The following ENKUR variants were observed in gnomAD, a reference collection of about 807,000 sequenced individuals.
The protein encoded by ENKUR is enkurin, TRPC channel interacting protein.
A neutral mutation model predicts 27.6 loss-of-function variants in ENKUR; 19 were observed. The observed-to-expected ratio is 0.69, with a 90% confidence interval of 0.48 to 1.01. The LOEUF (loss-of-function observed/expected upper bound fraction) is 1.01, where lower values mean the gene tolerates loss of function less well. ENKUR is among the 50% of genes least tolerant of loss of function. The pLI is 0.00. For synonymous variants in ENKUR, 117 were observed against 96.9 expected, an observed-to-expected ratio of 1.21 and a Z score of -1.22; for missense variants, 312 against 310.5, an observed-to-expected ratio of 1.00 and a Z score of -0.04.
rs112816834 is a variant in ENKUR at position 25,015,893 on chromosome 10, G to C, written c.44C>G (p.Pro15Arg). 163 of 1,606,928 alleles carry C rather than the reference G, an allele frequency of 1.0e-4. No homozygotes were observed. Among genetic ancestry groups the C allele is most frequent in the Non-Finnish European group, 9.0e-5 (106 of 1,176,500 alleles). ...CTGGGGAGGCTCCTTCAAGTCACTG[G>C]GTATGAGGTTATAAATGCACTCAGA... is the stretch of plus-strand genomic sequence containing the variant. ...CSSECIYNLI[P>R]SDLKEPPQPP... Residue 15 changes from proline to arginine, a missense_variant, in exon 1 of 6, where the codon CCC becomes CGC. Pro to Arg is a moderately radical substitution (Grantham distance 103). Coordinates refer to ENST00000331161, the MANE Select transcript of ENKUR (RefSeq NM_145010.4).
chr10:25,027,360 A>C (rs1413269902), intron 2 of ENKUR, among the ~76,000 whole-genome samples: 1 of 101,400 alleles, frequency 9.9e-6, no homozygotes, highest in African/African-American at 5.9e-5. Flanking sequence ...CCCGTCTCAA[A>C]AAAAAAAAAA....
chr10:25,005,530 C>A (rs1850292583), intron 1 of ENKUR, among the ~76,000 whole-genome samples: 1 of 152,054 alleles, frequency 6.6e-6, no homozygotes, highest in Non-Finnish European at 1.5e-5. Context: ...CAATTTTTCC[C>A]AGTATTACTG....
In ENKUR at chr10:24,999,400, C is replaced by G; in HGVS notation, c.223+1G>C. On this transcript the variant is annotated splice_donor_variant, in intron 2 of 5. Coordinates refer to ENST00000331161, the MANE Select transcript of ENKUR (RefSeq NM_145010.4). LOFTEE classifies it high-confidence loss of function. ...TAAAAATAAAGCATGATAAAACCTA[C>G]TGGGTGGTAGAGTTTTTTCCTTTGA... 1 of 1,600,018 alleles carries G rather than the reference C, an allele frequency of 6.2e-7. No individual in the cohort carries two copies. The highest frequency in any genetic ancestry group is 8.5e-7 in the Non-Finnish European group (1 of 1,176,418).
chr10:25,058,580 G>A lies in ENKUR; in HGVS notation c.37+2532C>T, dbSNP rs990844748. Among the ~76,000 whole-genome samples the A allele has an allele frequency of 5.9e-5, 9 of 152,236 alleles. No individual in the cohort carries two copies. In the South Asian group the frequency reaches 1.0e-3, roughly 18 times the overall value. On this transcript the variant is annotated intron_variant, in intron 2 of 5. Coordinates refer to the ENKUR transcript ENST00000615958. The stretch of plus-strand genomic sequence containing the variant: ...TCCCATACTGATTAGAAATGAGAGC[G>A]CTTATTCATGACACAGAGATAGCCA...
chr10:25,056,823 G>A (rs1033361322), intron 2 of ENKUR, among the ~76,000 whole-genome samples: 4 of 152,202 alleles, frequency 2.6e-5, no homozygotes, highest in Non-Finnish European at 5.9e-5. Flanking sequence ...ATGGCAAAGT[G>A]CTGAAAACTC....
chr10:25,021,251 A>G (rs1479034939), intron 2 of ENKUR, among the ~76,000 whole-genome samples: 6 of 152,354 alleles, frequency 3.9e-5, no homozygotes, highest in South Asian at 2.1e-4. Context: ...TGATTTTATT[A>G]TAGACACTTA....
At chr10:25,016,195 A>T (rs1279380081), upstream of ENKUR, 2 of 1,172,600 alleles carry the variant, frequency 1.7e-6, no homozygotes, top group African/African-American at 3.2e-5. Context: ...GCAACGAGGA[A>T]GTGGCAGGCA....
chr10:25,007,770 AT>A (rs1462499591), intron 1 of ENKUR, among the ~76,000 whole-genome samples: 3 of 152,074 alleles, frequency 2.0e-5, no homozygotes, highest in Admixed American at 6.6e-5. Flanking sequence ...GTAACTCAAA[AT>A]AAACATTAAG....
chr10:25,024,199 A>G (rs142841206), intron 2 of ENKUR: 12 of 1,614,232 alleles, frequency 7.4e-6, no homozygotes, highest in Middle Eastern at 1.6e-4. Context: ...TGCCTGCTCA[A>G]AAATTGCTCC....
intron 2 of ENKUR, among the ~76,000 whole-genome samples, chr10:25,023,001 A>G (rs1008276949): frequency 1.3e-5 from 2 of 152,230 alleles, no homozygotes; most frequent in East Asian, 3.8e-4. Context: ...AATATGCAAT[A>G]TATAAGAATT....
At chr10:25,030,715 T>A (rs1171008908) in intron 2 of ENKUR, among the ~76,000 whole-genome samples, 1 of 152,204 alleles carries the variant, frequency 6.6e-6, no homozygotes, top group Non-Finnish European at 1.5e-5. Context: ...AACTTATTTT[T>A]GAATTTCTTT....
intron 3 of ENKUR, among the ~76,000 whole-genome samples, chr10:24,991,416 C>A (rs932342238): frequency 1.3e-5 from 2 of 151,996 alleles, no homozygotes; most frequent in East Asian, 1.9e-4. Flanking sequence ...CCCCGAGACC[C>A]TAGCAGGCAG....
chr10:25,048,360 C>T (rs80169908), intron 2 of ENKUR, among the ~76,000 whole-genome samples: 1,986 of 151,992 alleles, frequency 0.013, 52 homozygotes, highest in African/African-American at 0.045. Flanking sequence ...GGTCTATATC[C>T]GTGAAGCGTG....
intron 2 of ENKUR, among the ~76,000 whole-genome samples, chr10:25,042,461 A>T (rs968509194): frequency 6.6e-6 from 1 of 151,814 alleles, no homozygotes. Context: ...CACCCGGCTA[A>T]ATTTTGTATT....
At chr10:25,060,114 G>A (rs990456577) in intron 2 of ENKUR, among the ~76,000 whole-genome samples, 1 of 152,164 alleles carries the variant, frequency 6.6e-6, no homozygotes, top group Non-Finnish European at 1.5e-5. Context: ...TAGGAAGCCT[G>A]TGAAGCCGAC....
chr10:25,027,357 C>G (rs11598431), intron 2 of ENKUR, among the ~76,000 whole-genome samples: 1 of 48,472 alleles, frequency 2.1e-5, no homozygotes, highest in Admixed American at 2.8e-4. Context: ...ACTCCCGTCT[C>G]AAAAAAAAAA....
intron 2 of ENKUR, among the ~76,000 whole-genome samples, chr10:25,028,038 A>G (rs1850889321): frequency 6.6e-6 from 1 of 152,166 alleles, no homozygotes; most frequent in African/African-American, 2.4e-5. Flanking sequence ...TTACTATGGG[A>G]TAGTCAGAAA....
At chr10:25,008,772 C>T (rs376082933) in intron 1 of ENKUR, among the ~76,000 whole-genome samples, 5,429 of 151,998 alleles carry the variant, frequency 0.036, 228 homozygotes, top group African/African-American at 0.1. Flanking sequence ...ACCCAAAGGA[C>T]CATAAATCAT....
At chr10:24,994,360 G>A (rs1032393956) in intron 3 of ENKUR, among the ~76,000 whole-genome samples, 1 of 136,346 alleles carries the variant, frequency 7.3e-6, no homozygotes, top group African/African-American at 2.8e-5. Context: ...TTGACACCGA[G>A]TCTCGCTCTG....
Sources: gnomAD v4.1 joint callset for allele counts (sites outside exome capture counted in the v4.1 genomes callset) on GRCh38, gnomAD v4.1.1 for gene constraint, MANE v1.5 for transcripts, NCBI Gene and HGNC (gene_info 2026-07-23, HGNC 2026-07-21) for gene names.